The following RORA variants were observed in gnomAD, a reference collection of about 807,000 sequenced individuals.
RORA encodes RAR related orphan receptor A.
RORA carries 7 observed loss-of-function variants against 69.5 expected under a neutral mutation model. The ratio of observed to expected loss-of-function variants is 0.10; its 90% CI spans 0.06 to 0.19. RORA has a LOEUF of 0.19. Among genes scored for constraint, RORA ranks in the 10% least tolerant of loss-of-function variants. RORA has a pLI of 1.00. For missense variants in RORA, 457 were observed against 663.0 expected (o/e 0.69, Z 3.41); for synonymous variants, 261 against 240.8 (o/e 1.08, Z -0.78).
intron 2 of RORA, among the ~76,000 whole-genome samples, chr15:60,670,201 C>CTTT (rs60799050): frequency 6.3e-5 from 8 of 126,106 alleles, no homozygotes; most frequent in Non-Finnish European, 8.2e-5. Flanking sequence ...TATCCTACCT[C>CTTT]TTTTTTTTTT....
intron 1 of RORA, among the ~76,000 whole-genome samples, chr15:61,031,835 A>G (rs562805042): frequency 6.6e-6 from 1 of 152,342 alleles, no homozygotes; most frequent in East Asian, 1.9e-4. Context: ...GAATGGTTAG[A>G]GACTCTTCTT....
chr15:60,903,679 G>A (rs1891453243), intron 1 of RORA, among the ~76,000 whole-genome samples: 1 of 152,182 alleles, frequency 6.6e-6, no homozygotes, highest in African/African-American at 2.4e-5. Context: ...ACAGATGAGT[G>A]CACACCTTAT....
chr15:60,789,750 G>T (rs1375953408), intron 1 of RORA, among the ~76,000 whole-genome samples: 1 of 152,216 alleles, frequency 6.6e-6, no homozygotes, highest in Non-Finnish European at 1.5e-5. Context: ...TTTAGGAGAG[G>T]CCGGTGCAAA....
At chr15:60,907,028 C>T (rs926748988) in intron 1 of RORA, among the ~76,000 whole-genome samples, 3 of 152,142 alleles carry the variant, frequency 2.0e-5, no homozygotes, top group Non-Finnish European at 4.4e-5. Flanking sequence ...AAGGAGGGAG[C>T]ACCAGGGTTT....
At chr15:60,790,828 A>T (rs183349903) in intron 1 of RORA, among the ~76,000 whole-genome samples, 71 of 152,278 alleles carry the variant, frequency 4.7e-4, no homozygotes, top group African/African-American at 1.7e-3. Context: ...CCTAGCTTCA[A>T]TTTCACAATT....
At chr15:60,710,423 G>T (rs942706626) in intron 1 of RORA, among the ~76,000 whole-genome samples, 1 of 152,152 alleles carries the variant, frequency 6.6e-6, no homozygotes, top group African/African-American at 2.4e-5. Flanking sequence ...GAGAGGCGGA[G>T]GTTGCAGTGA....
intron 1 of RORA, among the ~76,000 whole-genome samples, chr15:61,031,785 C>A (rs1036754217): frequency 6.6e-6 from 1 of 152,112 alleles, no homozygotes. Context: ...ACTTGTTCCA[C>A]GACGATGGGC....
intron 1 of RORA, among the ~76,000 whole-genome samples, chr15:60,897,686 T>C (rs1317880868): frequency 2.6e-5 from 4 of 152,238 alleles, no homozygotes. Context: ...GTGAATTGTA[T>C]TTATGTAGGT....
chr15:61,142,965 C>T (rs2079314541), intron 1 of RORA, among the ~76,000 whole-genome samples: 2 of 152,036 alleles, frequency 1.3e-5, no homozygotes, highest in African/African-American at 4.8e-5. Flanking sequence ...TGGTCATTGC[C>T]AATACCCTAT....
At chr15:61,152,902 T>C (rs180846233) in intron 1 of RORA, among the ~76,000 whole-genome samples, 267 of 152,300 alleles carry the variant, frequency 1.8e-3, no homozygotes, top group African/African-American at 6.1e-3. Flanking sequence ...CTCCTTTAAA[T>C]GTAGCTCACT....
At position 60,511,743 on chromosome 15, in the gene RORA, A is replaced by G. The variant is rs1273392549; in HGVS notation, c.425-122T>C. On this transcript the variant is annotated intron_variant, in intron 4 of 10. Transcript: ENST00000335670. The surrounding 1 kb of genome is among the most constrained non-coding windows in gnomAD (Gnocchi z 6.4). ...CTCAATCCAAAACTGCATGACCACA[A>G]AATAAGGACATATTCAGAGGTGAAA... 3.9e-6 allele frequency: 4 copies of G among 1,026,236 alleles called. No individual in the cohort carries two copies. Among genetic ancestry groups the G allele is most frequent in the Non-Finnish European group, 5.5e-6 (4 of 721,068 alleles). The allele number at this position is 1,026,236 out of a possible 1,614,324, so 63.6% of individuals were successfully genotyped here. A position where few individuals can be genotyped will look rare whatever the true frequency, so the allele number is the denominator to read the frequency against.
At chr15:60,593,961 G>A (rs1231912194) in intron 2 of RORA, among the ~76,000 whole-genome samples, 1 of 152,072 alleles carries the variant, frequency 6.6e-6, no homozygotes, top group African/African-American at 2.4e-5. Context: ...GCAAAATTGA[G>A]TCTTCCAAAC....
intron 2 of RORA, among the ~76,000 whole-genome samples, chr15:60,547,522 C>T (rs955650218): frequency 6.6e-6 from 1 of 151,680 alleles, no homozygotes; most frequent in Non-Finnish European, 1.5e-5. Flanking sequence ...AGACGGGTTT[C>T]TCCATGTTGG....
intron 1 of RORA, among the ~76,000 whole-genome samples, chr15:60,897,998 T>C (rs142100576): frequency 1.3e-5 from 2 of 152,262 alleles, no homozygotes; most frequent in Non-Finnish European, 2.9e-5. Context: ...GTAACAAAAA[T>C]GATGAACATG....
chr15:61,109,377 T>A (rs867702880), intron 1 of RORA, among the ~76,000 whole-genome samples: 13 of 152,196 alleles, frequency 8.5e-5, no homozygotes, highest in Middle Eastern at 3.4e-3. Context: ...ATTTGATAAA[T>A]GAATGAAAGT....
intron 1 of RORA, among the ~76,000 whole-genome samples, chr15:60,812,515 A>C (rs1323620913): frequency 6.6e-6 from 1 of 152,238 alleles, no homozygotes; most frequent in Admixed American, 6.5e-5. Context: ...GTGTCTAAAA[A>C]TAAATAAATC....
At chr15:60,625,273 C>CT (rs148514353) in intron 2 of RORA, among the ~76,000 whole-genome samples, 15 of 151,490 alleles carry the variant, frequency 9.9e-5, no homozygotes, top group South Asian at 2.1e-4. Context: ...AAAAACAAAT[C>CT]TTTTTTTTTG....
chr15:60,887,396 G>A (rs1290867384), intron 1 of RORA, among the ~76,000 whole-genome samples: 2 of 152,242 alleles, frequency 1.3e-5, no homozygotes, highest in East Asian at 1.9e-4. Context: ...GGTTTTTACA[G>A]GAATTTCAGA....
At chr15:60,771,392 G>A (rs1167839898) in intron 1 of RORA, among the ~76,000 whole-genome samples, 1 of 152,192 alleles carries the variant, frequency 6.6e-6, no homozygotes, top group Non-Finnish European at 1.5e-5. Flanking sequence ...TTGCCTGGGA[G>A]CTTAGCTATC....
Sources: allele counts gnomAD v4.1 joint callset (sites outside exome capture counted in the v4.1 genomes callset), GRCh38; gene constraint gnomAD v4.1.1; non-coding constraint Gnocchi (gnomAD v3.1); transcripts MANE v1.5; gene names NCBI Gene and HGNC (gene_info 2026-07-23, HGNC 2026-07-21).